The following TBC1D22A variants were observed in gnomAD, a reference collection of about 807,000 sequenced individuals.
TBC1D22A encodes putative GTPase activator.
In TBC1D22A, 38 loss-of-function variants were observed where a neutral mutation model predicts 60.2. That is an observed-to-expected ratio of 0.63 (90% CI 0.49 to 0.83). TBC1D22A has a LOEUF of 0.83. TBC1D22A is among the 40% of genes least tolerant of loss of function. The pLI is 0.00. For missense variants in TBC1D22A, 628 were observed against 701.0 expected (o/e 0.90, Z 1.18); for synonymous variants, 302 against 281.7 (o/e 1.07, Z -0.72).
intron 4 of TBC1D22A, among the ~76,000 whole-genome samples, chr22:46,837,203 A>G (rs1032784697): frequency 1.2e-4 from 18 of 152,340 alleles, no homozygotes; most frequent in African/African-American, 3.8e-4. Context: ...AGATATAACA[A>G]TTGTGAATAT....
At chr22:47,093,174 TG>T (rs1473091989) in intron 11 of TBC1D22A, among the ~76,000 whole-genome samples, 9 of 152,158 alleles carry the variant, frequency 5.9e-5, no homozygotes, top group African/African-American at 2.2e-4. Context: ...GAGATAGGCG[TG>T]TGCAGGCGGT....
At chr22:47,014,982 C>G (rs1049046377) in intron 10 of TBC1D22A, among the ~76,000 whole-genome samples, 4 of 152,210 alleles carry the variant, frequency 2.6e-5, no homozygotes, top group Non-Finnish European at 4.4e-5. Context: ...CCCTGTCCTC[C>G]CTGGCACCTG....
chr22:46,991,603 G>A (rs756724120), intron 9 of TBC1D22A, among the ~76,000 whole-genome samples: 1 of 152,208 alleles, frequency 6.6e-6, no homozygotes, highest in African/African-American at 2.4e-5. Flanking sequence ...CCTGGATTAC[G>A]GCAGTTGCCT....
chr22:47,067,751 C>T (rs970972154), intron 11 of TBC1D22A, among the ~76,000 whole-genome samples: 3 of 152,210 alleles, frequency 2.0e-5, no homozygotes, highest in Admixed American at 2.0e-4. Context: ...ATTAAGACCA[C>T]GAGTGTGCGT....
At chr22:46,781,537 C>G (rs2083937337) in intron 1 of TBC1D22A, among the ~76,000 whole-genome samples, 1 of 152,122 alleles carries the variant, frequency 6.6e-6, no homozygotes, top group Admixed American at 6.5e-5. Context: ...CTCGGGTTCC[C>G]CTTACGAGTG....
Position 46,829,516 on chromosome 22 carries a change from C to T in TBC1D22A, c.637+31896C>T, listed in dbSNP as rs538908853. 8.5e-5 allele frequency among the ~76,000 whole-genome samples: 13 copies of T among 152,286 alleles called. No individual in the cohort carries two copies. The South Asian group carries it at 1.2e-3, about 15-fold the overall frequency. On this transcript the variant is annotated intron_variant, in intron 4 of 12. Transcript: ENST00000337137. ...AACTCTTCTAACCGACTTACTAGCACGGAGAGAATACATCTGCTTCACATT... is the reference window on the plus strand; with the variant it reads ...AACTCTTCTAACCGACTTACTAGCATGGAGAGAATACATCTGCTTCACATT...
At chr22:46,911,975 G>T in intron 7 of TBC1D22A, 99 bp from the exon 8 acceptor site, 1 of 752,174 alleles carries the variant, frequency 1.3e-6, no homozygotes, top group Non-Finnish European at 2.3e-6. Flanking sequence ...TAGGAGCAAT[G>T]AGAAAATACA....
At chr22:47,034,811 CTT>C (rs1235232600) in intron 10 of TBC1D22A, among the ~76,000 whole-genome samples, 2 of 152,236 alleles carry the variant, frequency 1.3e-5, no homozygotes. Context: ...CGATAATTGA[CTT>C]TATGGCATAT....
intron 12 of TBC1D22A, among the ~76,000 whole-genome samples, chr22:47,172,040 C>T (rs895681661): frequency 1.2e-4 from 14 of 114,904 alleles, no homozygotes; most frequent in Non-Finnish European, 2.2e-4. Context: ...TGAGCCTACC[C>T]AGCACTCCCA....
rs529524744 is a variant in TBC1D22A, at chr22:46,768,429, G to T, written c.62+5581G>T. On this transcript the variant is annotated intron_variant, in intron 1 of 12. Coordinates refer to ENST00000337137, the MANE Select transcript of TBC1D22A (RefSeq NM_014346.5). ...GAACACAGGAGGCAGAGGTTGCAGT[G>T]AGCCAAGGTCGCGCCACCGCCCCGC... is the stretch of plus-strand genomic sequence containing the variant. 2.7e-5 allele frequency among the ~76,000 whole-genome samples: 4 copies of T among 148,652 alleles called. No individual in the cohort carries two copies. In the East Asian group the frequency reaches 7.9e-4, roughly 30 times the overall value.
At chr22:46,928,128 A>G (rs2071155174) in intron 8 of TBC1D22A, among the ~76,000 whole-genome samples, 1 of 2,346 alleles carries the variant, frequency 4.3e-4, no homozygotes, top group Admixed American at 6.0e-3. Flanking sequence ...ACAGTCTTGA[A>G]AAAAAAAAAA....
At chr22:46,857,170 C>A (rs1417971656) in intron 4 of TBC1D22A, among the ~76,000 whole-genome samples, 1 of 152,262 alleles carries the variant, frequency 6.6e-6, no homozygotes, top group Non-Finnish European at 1.5e-5. Context: ...AAACAAAAAA[C>A]AGAACAACAC....
chr22:46,965,307 C>T (rs2077714630), intron 8 of TBC1D22A, among the ~76,000 whole-genome samples: 1 of 152,328 alleles, frequency 6.6e-6, no homozygotes, highest in Middle Eastern at 3.4e-3. Flanking sequence ...GGGCGGGGTG[C>T]CCCGCCCATT....
intron 1 of TBC1D22A, among the ~76,000 whole-genome samples, chr22:46,786,680 C>A (rs539235403): frequency 1.3e-5 from 2 of 152,194 alleles, no homozygotes; most frequent in South Asian, 4.1e-4. Context: ...CTAATTTAGT[C>A]TCTTTATTTT....
Position 47,002,872 on chromosome 22 carries a change from G to A in TBC1D22A, c.1201+5163G>A, listed in dbSNP as rs75729363. Among the ~76,000 whole-genome samples the A allele has an allele frequency of 1.7e-3, 258 of 152,284 alleles. 1 individual carries two copies. The highest frequency in any genetic ancestry group is 6.1e-3 in the African/African-American group (255 of 41,560). ...GGCAAAACCTGATAGTTGCTAAGCTGATCTGAACTTAGCTTGCAAGGAGCA... is the reference window on the plus strand; with the variant it reads ...GGCAAAACCTGATAGTTGCTAAGCTAATCTGAACTTAGCTTGCAAGGAGCA... On this transcript the variant is annotated intron_variant, in intron 10 of 12. Transcript: ENST00000337137.
At chr22:47,075,116 G>A (rs983348243) in intron 11 of TBC1D22A, among the ~76,000 whole-genome samples, 3 of 151,778 alleles carry the variant, frequency 2.0e-5, no homozygotes, top group Non-Finnish European at 4.4e-5. Flanking sequence ...CCAGCTGCTC[G>A]GTAGGCTGAG....
intron 12 of TBC1D22A, among the ~76,000 whole-genome samples, chr22:47,152,810 C>T (rs1482471290): frequency 6.6e-6 from 1 of 152,156 alleles, no homozygotes; most frequent in Non-Finnish European, 1.5e-5. Flanking sequence ...GGGACGGGGT[C>T]CAGATGTCTG....
chr22:46,797,581 A>G lies in TBC1D22A; in HGVS notation c.598A>G (p.Lys200Glu). 6.2e-7 allele frequency: 1 copy of G among 1,611,356 alleles called. No homozygotes were observed. Among genetic ancestry groups the G allele is most frequent in the East Asian group, 2.2e-5 (1 of 44,794 alleles). The change falls in exon 4 of 13, where the codon AAG becomes GAG. Residue 200 changes from lysine to glutamate, a missense_variant. By Grantham distance (56) the Lys-to-Glu change is moderately conservative. Coordinates refer to ENST00000337137, the MANE Select transcript of TBC1D22A (RefSeq NM_014346.5). ...CGAAAGAGAGGCCTCCCGGCTCGAC[A>G]AGTTCAAGCAGCTGCTTGCCGGCCC... ...LSEREASRLD[K>E]FKQLLAGPNT...
At chr22:47,002,768 G>A (rs1270263670) in intron 10 of TBC1D22A, among the ~76,000 whole-genome samples, 2 of 152,128 alleles carry the variant, frequency 1.3e-5, no homozygotes, top group African/African-American at 4.8e-5. Context: ...CTGGGGCCCC[G>A]GTTCTGGTGG....
Sources: allele counts gnomAD v4.1 joint callset (sites outside exome capture counted in the v4.1 genomes callset), GRCh38; gene constraint gnomAD v4.1.1; transcripts MANE v1.5; gene names NCBI Gene and HGNC (gene_info 2026-07-23, HGNC 2026-07-21).